The following ABCA13 variants were observed in gnomAD, a reference collection of about 807,000 sequenced individuals.
The protein encoded by ABCA13 is ATP binding cassette subfamily A member 13, also known as ATP-binding cassette sub-family A member 13.
A neutral mutation model predicts 478.7 loss-of-function variants in ABCA13; 476 were observed. That is an observed-to-expected ratio of 0.99 (90% confidence interval 0.92 to 1.07). ABCA13 has a LOEUF of 1.07. Among genes scored for constraint, ABCA13 ranks in the 50% least tolerant of loss-of-function variants. The pLI is 0.00. For synonymous variants in ABCA13, 2,252 were observed against 2,158.9 expected (o/e 1.04, Z -1.20); for missense variants, 6,060 against 5,910.6 (o/e 1.03, Z -0.83).
At chr7:48,217,903 A>G (rs181776062) in intron 3 of ABCA13, among the ~76,000 whole-genome samples, 16 of 152,288 alleles carry the variant, frequency 1.1e-4, no homozygotes, top group African/African-American at 3.8e-4. Context: ...ATTACCTGAT[A>G]AAAGTCTCAA....
chr7:48,453,608 A>T (rs888775723), intron 42 of ABCA13, among the ~76,000 whole-genome samples: 4 of 152,046 alleles, frequency 2.6e-5, no homozygotes, highest in African/African-American at 7.2e-5. Context: ...AGGCCTATTT[A>T]TACCTCCTGT....
intron 3 of ABCA13, among the ~76,000 whole-genome samples, chr7:48,198,776 G>A (rs958006922): frequency 2.6e-5 from 4 of 152,176 alleles, no homozygotes; most frequent in African/African-American, 9.7e-5. Context: ...CGCCAGCTGA[G>A]GGAAAATAAA....
chr7:48,426,199 G>C (rs1003535833), intron 41 of ABCA13, among the ~76,000 whole-genome samples: 1 of 152,126 alleles, frequency 6.6e-6, no homozygotes, highest in Admixed American at 6.5e-5. Context: ...CTTTTCCTTG[G>C]AGTCTTACTG....
At chr7:48,440,754 A>G (rs1045089956) in intron 42 of ABCA13, among the ~76,000 whole-genome samples, 1 of 151,888 alleles carries the variant, frequency 6.6e-6, no homozygotes, top group African/African-American at 2.4e-5. Context: ...TTATGCTTAT[A>G]CATCTGTTTT....
intron 27 of ABCA13, among the ~76,000 whole-genome samples, chr7:48,319,356 T>G (rs1454072686): frequency 6.6e-6 from 1 of 152,246 alleles, no homozygotes; most frequent in Non-Finnish European, 1.5e-5. Flanking sequence ...TTTGCACTTG[T>G]AAAGCTGATT....
Position 48,516,883 on chromosome 7 carries a change from T to C in ABCA13, c.13797+2T>C. The C allele has an allele frequency of 6.2e-7, 1 of 1,613,212 alleles. No homozygotes were observed. The highest frequency in any genetic ancestry group is 8.5e-7 in the Non-Finnish European group (1 of 1,179,396). ...CTAGCCATCATCTCCAAAGCTAAGG[T>C]CAGTAGCTTTGTAGCATCACCTCTA... On this transcript the variant is annotated splice_donor_variant, in intron 52 of 61. Transcript: ENST00000435803. LOFTEE classifies it high-confidence loss of function.
At chr7:48,209,083 T>G (rs1469761852) in intron 3 of ABCA13, among the ~76,000 whole-genome samples, 1 of 152,164 alleles carries the variant, frequency 6.6e-6, no homozygotes, top group Non-Finnish European at 1.5e-5. Context: ...TCCTTTGTCT[T>G]TTGATGTGAT....
chr7:48,501,594 T>G (rs2362314), intron 48 of ABCA13, among the ~76,000 whole-genome samples: 73,718 of 151,938 alleles, frequency 0.49, 20,355 homozygotes, highest in African/African-American at 0.76. Context: ...CTGTAGTTTG[T>G]GGGGGTTCAG....
At chr7:48,207,240 T>A (rs898802135) in intron 3 of ABCA13, among the ~76,000 whole-genome samples, 1 of 152,178 alleles carries the variant, frequency 6.6e-6, no homozygotes, top group Non-Finnish European at 1.5e-5. Context: ...GCTTGGCTGT[T>A]TTGAATAATG....
In ABCA13 at chr7:48,387,883, G is replaced by T. The variant is rs765835582; in HGVS notation, c.11397G>T (p.Val3799=). The T allele has an allele frequency of 1.9e-6, 3 of 1,612,280 alleles. No homozygotes were observed. The part of the protein sequence containing the change: ...FPFTASYWKS[V]GFLVEKRQYF... ...TTACTGCCTCATATTGGAAGAGTGT[G>T]GGTTTCTTGGTGGAGAAAAGGCAAT... Residue 3799 remains valine (V), a synonymous_variant, in exon 36 of 62, where the codon GTG becomes GTT. Coordinates refer to ENST00000435803, the MANE Select transcript of ABCA13 (RefSeq NM_152701.5).
intron 59 of ABCA13, among the ~76,000 whole-genome samples, chr7:48,637,400 A>AAAAAAAC: frequency 6.8e-6 from 1 of 147,914 alleles, no homozygotes; most frequent in Middle Eastern, 3.2e-3. Context: ...AAAAAAAAAA[A>AAAAAAAC]AAAAAACAGA....
intron 58 of ABCA13, among the ~76,000 whole-genome samples, chr7:48,596,387 T>G (rs1292958143): frequency 6.6e-6 from 1 of 152,246 alleles, no homozygotes; most frequent in Non-Finnish European, 1.5e-5. Flanking sequence ...TTGATATAAC[T>G]TAACCACTGT....
At position 48,338,408 on chromosome 7, in the gene ABCA13, AG is replaced by A. The variant is rs747534025; in HGVS notation, c.10158del (p.Gln3386HisfsTer6). 1.2e-6 allele frequency: 2 copies of A among 1,603,914 alleles called. No individual in the cohort carries two copies. The highest frequency in any genetic ancestry group is 1.7e-6 in the Non-Finnish European group (2 of 1,174,756). On this transcript the variant is annotated frameshift_variant, in exon 29 of 62. Coordinates refer to ENST00000435803, the MANE Select transcript of ABCA13 (RefSeq NM_152701.5). LOFTEE classifies it high-confidence loss of function. The part of the protein sequence containing the change: ...NKFVRNFVEN[Q>X]LHIDVDKLTE... ...TTTGTAAGAAACTTTGTAGAAAACC[AG>A]TTGCACATTGATGTAGACAAACTTA... is the stretch of plus-strand genomic sequence containing the variant.
chr7:48,538,312 G>A (rs1167793683), intron 55 of ABCA13, among the ~76,000 whole-genome samples: 2 of 151,930 alleles, frequency 1.3e-5, no homozygotes, highest in African/African-American at 2.4e-5. Context: ...TGTTGGCTAG[G>A]CTGGTCTCGA....
chr7:48,424,717 AC>A (rs1366751061), intron 41 of ABCA13, among the ~76,000 whole-genome samples: 2 of 152,238 alleles, frequency 1.3e-5, no homozygotes, highest in Non-Finnish European at 2.9e-5. Context: ...TGTTAGGGTT[AC>A]CTGAAATACT....
chr7:48,562,442 TTCTTCAGATA>T (rs914345251), intron 55 of ABCA13, among the ~76,000 whole-genome samples: 1 of 152,126 alleles, frequency 6.6e-6, no homozygotes, highest in African/African-American at 2.4e-5. Context: ...AACTCTTCTT[TTCTTCAGATA>T]TCTAGGCAAG....
chr7:48,582,375 G>T (rs1482298807), intron 56 of ABCA13, among the ~76,000 whole-genome samples: 1 of 152,188 alleles, frequency 6.6e-6, no homozygotes, highest in African/African-American at 2.4e-5. Flanking sequence ...GTTAGTGCAT[G>T]ACTTCTCTAA....
Position 48,392,027 on chromosome 7 carries a change from C to T in ABCA13, c.11761C>T (p.Pro3921Ser), listed in dbSNP as rs1239302014. ...SRVRMELGVCPQQDILLDNLT... is the reference protein window; with the variant it reads ...SRVRMELGVCSQQDILLDNLT... Reference sequence around the variant, plus strand: ...GGTCAGAATGGAGCTTGGTGTGTGTCCGCAGCAGGACATCCTGTTGGACAA... The same window carrying T: ...GGTCAGAATGGAGCTTGGTGTGTGTTCGCAGCAGGACATCCTGTTGGACAA... The change falls in exon 38 of 62, where the codon CCG (proline) becomes TCG (serine). Residue 3921 changes from proline (P) to serine (S), a missense_variant. Transcript: ENST00000435803. 4 of 1,614,008 alleles carry T rather than the reference C, an allele frequency of 2.5e-6. No individual in the cohort carries two copies. Among genetic ancestry groups the T allele is most frequent in the Non-Finnish European group, 3.4e-6 (4 of 1,179,880 alleles).
At chr7:48,643,449 T>C (rs1795245100) in intron 60 of ABCA13, 56 bp downstream of exon 60, 1 of 1,405,994 alleles carries the variant, frequency 7.1e-7, no homozygotes, top group Non-Finnish European at 1.0e-6. Flanking sequence ...AAATAATAAA[T>C]GTACCTGTCT....
Sources: gnomAD v4.1 joint callset for allele counts (sites outside exome capture counted in the v4.1 genomes callset) on GRCh38, gnomAD v4.1.1 for gene constraint, MANE v1.5 for transcripts, NCBI Gene and HGNC (gene_info 2026-07-23, HGNC 2026-07-21) for gene names.